KLHL1: variants seen among roughly 807,000 people sequenced by gnomAD.
KLHL1 encodes the protein kelch like family member 1, also known as kelch-like protein 1.
A neutral mutation model predicts 77.7 loss-of-function variants in KLHL1; 47 were observed. That is an observed-to-expected ratio of 0.60 (90% CI 0.48 to 0.77). KLHL1 has a LOEUF of 0.77. KLHL1 is among the 30% of genes least tolerant of loss of function. The pLI is 0.00. For missense variants in KLHL1, 925 were observed against 910.8 expected (o/e 1.02, Z -0.20); for synonymous variants, 360 against 325.2 (o/e 1.11, Z -1.15).
chr13:69,911,734 G>A (rs1882246055), intron 4 of KLHL1, among the ~76,000 whole-genome samples: 1 of 152,040 alleles, frequency 6.6e-6, no homozygotes, highest in African/African-American at 2.4e-5. Context: ...GAAGCATATA[G>A]TTGAGCCACT....
chr13:69,946,886 G>A (rs1192587420), intron 3 of KLHL1, among the ~76,000 whole-genome samples: 4 of 150,016 alleles, frequency 2.7e-5, no homozygotes, highest in African/African-American at 7.6e-5. Flanking sequence ...GGTATTATTA[G>A]GTTGGTACAA....
intron 1 of KLHL1, among the ~76,000 whole-genome samples, chr13:70,104,602 T>C (rs1888002863): frequency 6.6e-6 from 1 of 152,140 alleles, no homozygotes. Context: ...CCAACTCATG[T>C]TTTATATGTA....
At chr13:69,916,188 C>T (rs1280324135) in intron 4 of KLHL1, among the ~76,000 whole-genome samples, 4 of 152,022 alleles carry the variant, frequency 2.6e-5, no homozygotes, top group Non-Finnish European at 4.4e-5. Context: ...GTGGCGATTC[C>T]TCAGGGATCT....
intron 6 of KLHL1, among the ~76,000 whole-genome samples, chr13:69,814,488 G>T (rs1268511698): frequency 2.6e-5 from 4 of 152,018 alleles, no homozygotes; most frequent in Non-Finnish European, 4.4e-5. Flanking sequence ...GAAAATATTT[G>T]CAAACTATGC....
At chr13:69,855,534 C>T (rs538121426) in intron 5 of KLHL1, among the ~76,000 whole-genome samples, 34 of 151,856 alleles carry the variant, frequency 2.2e-4, no homozygotes, top group African/African-American at 7.0e-4. Flanking sequence ...AAAGAGACCA[C>T]GTGGAAATAA....
chr13:69,946,269 T>C (rs1225173657), intron 3 of KLHL1, among the ~76,000 whole-genome samples: 10 of 152,186 alleles, frequency 6.6e-5, no homozygotes, highest in Non-Finnish European at 1.5e-4. Context: ...GTGGTGAGTA[T>C]ATACATAAGC....
chr13:69,912,839 G>T (rs554483816), intron 4 of KLHL1, among the ~76,000 whole-genome samples: 22 of 152,200 alleles, frequency 1.4e-4, no homozygotes, highest in African/African-American at 4.6e-4. Flanking sequence ...CTTGAGTCCT[G>T]CTGGGAGACT....
At chr13:69,959,898 T>C (rs1593988894) in intron 3 of KLHL1, among the ~76,000 whole-genome samples, 2 of 152,090 alleles carry the variant, frequency 1.3e-5, no homozygotes, top group African/African-American at 4.8e-5. Flanking sequence ...CACTTAAAAA[T>C]CCTCCCTTCC....
At chr13:69,738,219 C>T (rs1282054420) in intron 8 of KLHL1, among the ~76,000 whole-genome samples, 1 of 151,934 alleles carries the variant, frequency 6.6e-6, no homozygotes, top group Non-Finnish European at 1.5e-5. Flanking sequence ...TGAAAAAGAC[C>T]CCATAAAAAC....
At chr13:69,876,744 A>G (rs1880778267) in intron 5 of KLHL1, among the ~76,000 whole-genome samples, 1 of 152,198 alleles carries the variant, frequency 6.6e-6, no homozygotes, top group African/African-American at 2.4e-5. Context: ...CTTAAAAGAG[A>G]TAAAAAATAC....
chr13:70,073,635 G>A (rs1887189924), intron 1 of KLHL1, among the ~76,000 whole-genome samples: 1 of 151,974 alleles, frequency 6.6e-6, no homozygotes, highest in Admixed American at 6.6e-5. Context: ...TAAAAACCCG[G>A]GTGTGGTGGT....
intron 1 of KLHL1, among the ~76,000 whole-genome samples, chr13:69,985,871 CTGTGTG>C (rs57793968): frequency 7.6e-5 from 11 of 145,236 alleles, no homozygotes; most frequent in Middle Eastern, 3.6e-3. Context: ...TAGTATTCCA[CTGTGTG>C]TGTGTGTATG....
chr13:69,989,935 T>A (rs1156866611), intron 1 of KLHL1, among the ~76,000 whole-genome samples: 1 of 151,984 alleles, frequency 6.6e-6, no homozygotes, highest in African/African-American at 2.4e-5. Flanking sequence ...CCTCTCTTCC[T>A]ATTTGGATGC....
At chr13:70,022,906 T>C (rs1331346984) in intron 1 of KLHL1, among the ~76,000 whole-genome samples, 2 of 151,928 alleles carry the variant, frequency 1.3e-5, no homozygotes, top group Non-Finnish European at 2.9e-5. Context: ...AAAGATAAAA[T>C]TTACACTGAG....
At chr13:69,760,317 G>T (rs1173674099) in intron 7 of KLHL1, among the ~76,000 whole-genome samples, 1 of 151,782 alleles carries the variant, frequency 6.6e-6, no homozygotes, top group Non-Finnish European at 1.5e-5. Context: ...TTTGGGGCAG[G>T]ATAGTAACTA....
chr13:69,941,920 T>G (rs1275161742), intron 3 of KLHL1, among the ~76,000 whole-genome samples: 1 of 151,288 alleles, frequency 6.6e-6, no homozygotes, highest in Non-Finnish European at 1.5e-5. Flanking sequence ...CAGAAAGAAA[T>G]AAAAACTCTG....
chr13:69,968,818 T>C (rs1884297512), intron 2 of KLHL1, among the ~76,000 whole-genome samples: 1 of 152,078 alleles, frequency 6.6e-6, no homozygotes, highest in Admixed American at 6.6e-5. Context: ...GAGCCTATCA[T>C]TGTTGGACAT....
intron 6 of KLHL1, among the ~76,000 whole-genome samples, chr13:69,833,747 GTATA>G (rs71196266): frequency 4.8e-4 from 68 of 141,928 alleles, no homozygotes; most frequent in Non-Finnish European, 5.2e-4. Flanking sequence ...AGAAATAATG[GTATA>G]TATATATATA....
At chr13:69,767,919 A>G (rs1429065148) in intron 7 of KLHL1, among the ~76,000 whole-genome samples, 1 of 152,208 alleles carries the variant, frequency 6.6e-6, no homozygotes, top group Non-Finnish European at 1.5e-5. Context: ...AATATGATGT[A>G]ATATTTTAAT....
Sources: allele counts gnomAD v4.1 joint callset (sites outside exome capture counted in the v4.1 genomes callset), GRCh38; gene constraint gnomAD v4.1.1; transcripts MANE v1.5; gene names NCBI Gene and HGNC (gene_info 2026-07-23, HGNC 2026-07-21).